NTRK3: variants seen among roughly 807,000 people sequenced by gnomAD.
NTRK3 encodes NT-3 growth factor receptor.
In NTRK3, 24 loss-of-function variants were observed where a neutral mutation model predicts 91.7. The observed-to-expected ratio is 0.26, with a 90% confidence interval of 0.19 to 0.37. NTRK3 has a LOEUF of 0.37. Among genes scored for constraint, NTRK3 ranks in the 10% least tolerant of loss-of-function variants. NTRK3 has a pLI of 1.00. For missense variants in NTRK3, 880 were observed against 1,068.9 expected (o/e 0.82, Z 2.46); for synonymous variants, 483 against 404.0 (o/e 1.20, Z -2.34).
At chr15:88,195,702 G>A (rs2047756804) in intron 3 of NTRK3, among the ~76,000 whole-genome samples, 1 of 152,184 alleles carries the variant, frequency 6.6e-6, no homozygotes, top group Non-Finnish European at 1.5e-5. Flanking sequence ...GAAAATGGAG[G>A]CCTTTGATCA....
chr15:88,192,680 G>C (rs760169503), intron 3 of NTRK3, among the ~76,000 whole-genome samples: 23 of 152,114 alleles, frequency 1.5e-4, no homozygotes, highest in Middle Eastern at 3.2e-3. Flanking sequence ...CTCCTTCTCT[G>C]AACACACTCC....
chr15:88,170,452 C>A (rs2045400239), intron 5 of NTRK3, among the ~76,000 whole-genome samples: 1 of 152,204 alleles, frequency 6.6e-6, no homozygotes, highest in Non-Finnish European at 1.5e-5. Flanking sequence ...TCCCACAGCA[C>A]CCTGTTGGGT....
chr15:87,940,489 C>T (rs2069724256), intron 15 of NTRK3, 134 bp downstream of exon 15: 16 of 1,428,408 alleles, frequency 1.1e-5, no homozygotes, highest in East Asian at 4.6e-5. Context: ...TCATTGACCT[C>T]GGAGCAAAGT....
intron 3 of NTRK3, among the ~76,000 whole-genome samples, chr15:88,242,324 T>C (rs1030806035): frequency 2.0e-5 from 3 of 152,166 alleles, no homozygotes; most frequent in Non-Finnish European, 4.4e-5. Flanking sequence ...GGGGGCACAG[T>C]CTTGACAACT....
rs564732612 is a variant in NTRK3, at chr15:88,224,356, C to T, written c.248+31550G>A. On this transcript the variant is annotated intron_variant, in intron 3 of 18. Coordinates refer to ENST00000394480, the Ensembl canonical transcript of NTRK3. ...AGAGCAAGTCGTGAGAACGCTATTT[C>T]CCAGCATGAGAAGAACATGCCCAGC... Among the ~76,000 whole-genome samples the T allele has an allele frequency of 2.0e-5, 3 of 152,310 alleles. No homozygotes were observed. The South Asian group carries it at 6.2e-4, about 32-fold the overall frequency.
intron 14 of NTRK3, among the ~76,000 whole-genome samples, chr15:87,957,978 C>T (rs950726705): frequency 2.6e-5 from 4 of 152,064 alleles, no homozygotes; most frequent in African/African-American, 9.7e-5. Flanking sequence ...CAAAAGGGAG[C>T]CTATAAGCTT....
chr15:88,068,536 G>T (rs2046845601), intron 13 of NTRK3, among the ~76,000 whole-genome samples: 1 of 152,214 alleles, frequency 6.6e-6, no homozygotes, highest in African/African-American at 2.4e-5. Flanking sequence ...AACAAAGCAT[G>T]CAAGATATTA....
intron 3 of NTRK3, among the ~76,000 whole-genome samples, chr15:88,229,846 C>G (rs1270900043): frequency 6.6e-6 from 1 of 152,252 alleles, no homozygotes; most frequent in Non-Finnish European, 1.5e-5. Context: ...GCCCAGGGAA[C>G]ATGGAGCAGA....
At chr15:88,065,088 T>C (rs2046534338) in intron 13 of NTRK3, among the ~76,000 whole-genome samples, 1 of 152,152 alleles carries the variant, frequency 6.6e-6, no homozygotes, top group African/African-American at 2.4e-5. Flanking sequence ...TCAGTAGTGT[T>C]CCCTGAATTT....
At chr15:88,221,261 C>T (rs1598029792) in intron 3 of NTRK3, among the ~76,000 whole-genome samples, 2 of 152,120 alleles carry the variant, frequency 1.3e-5, no homozygotes, top group Admixed American at 6.5e-5. Context: ...CATTTCCTCC[C>T]GTCTTCATTC....
chr15:88,069,053 C>G (rs898792447), intron 13 of NTRK3, among the ~76,000 whole-genome samples: 2 of 152,052 alleles, frequency 1.3e-5, no homozygotes, highest in African/African-American at 2.4e-5. Flanking sequence ...TGAAGGTCAC[C>G]GGCAAGGAAG....
At chr15:88,044,521 AAAGTGCTGGGATT>A (rs2079978172) in intron 13 of NTRK3, among the ~76,000 whole-genome samples, 1 of 151,810 alleles carries the variant, frequency 6.6e-6, no homozygotes, top group Admixed American at 6.6e-5. Context: ...TTGGCCTTCC[AAAGTGCTGGGATT>A]ACAGGAGTGA....
intron 17 of NTRK3, among the ~76,000 whole-genome samples, chr15:87,890,580 C>G (rs1360899714): frequency 6.7e-6 from 1 of 149,128 alleles, no homozygotes; most frequent in East Asian, 2.0e-4. Context: ...TACACACACA[C>G]ACACACACAC....
At chr15:88,136,118 T>TTGATTCCTAA in intron 8 of NTRK3, 78 bp from the exon 9 acceptor site, 1 of 1,558,436 alleles carries the variant, frequency 6.4e-7, no homozygotes, top group Non-Finnish European at 8.8e-7. Context: ...CAAATACCTT[T>TTGATTCCTAA]AGGAATCAAA....
intron 1 of NTRK3, 46 bp from the exon 2 acceptor site, chr15:88,256,532 G>A: frequency 2.0e-6 from 1 of 512,052 alleles, no homozygotes; most frequent in East Asian, 3.2e-5. Context: ...AAAAAAAAAG[G>A]AAAAGGAAAA....
At chr15:87,995,505 A>C (rs1353058201) in intron 14 of NTRK3, among the ~76,000 whole-genome samples, 1 of 152,210 alleles carries the variant, frequency 6.6e-6, no homozygotes, top group Non-Finnish European at 1.5e-5. Context: ...GGGAAGTACA[A>C]GACACACTTG....
At chr15:88,173,433 A>G (rs1212629718) in intron 5 of NTRK3, among the ~76,000 whole-genome samples, 1 of 152,210 alleles carries the variant, frequency 6.6e-6, no homozygotes, top group Non-Finnish European at 1.5e-5. Context: ...GAAATGGGGA[A>G]AATAGAAATC....
intron 13 of NTRK3, among the ~76,000 whole-genome samples, chr15:88,115,485 C>T (rs979873194): frequency 6.6e-6 from 1 of 152,242 alleles, no homozygotes; most frequent in Non-Finnish European, 1.5e-5. Flanking sequence ...CCTGGAACCA[C>T]CCGGACGCCC....
intron 3 of NTRK3, among the ~76,000 whole-genome samples, chr15:88,204,056 A>G (rs77572155): frequency 0.064 from 9,707 of 152,078 alleles, 968 homozygotes; most frequent in African/African-American, 0.21. Context: ...AACAGGCCCC[A>G]GTGTGTGATG....
Sources: gnomAD v4.1 joint callset for allele counts (sites outside exome capture counted in the v4.1 genomes callset) on GRCh38, gnomAD v4.1.1 for gene constraint, MANE v1.5 for transcripts, NCBI Gene and HGNC (gene_info 2026-07-23, HGNC 2026-07-21) for gene names.